Variants in CHRDL1 observed in about 807,000 individuals in gnomAD.
CHRDL1 encodes chordin-like protein 1.
In CHRDL1, 19 loss-of-function variants were observed where a neutral mutation model predicts 40.9. The observed-to-expected ratio is 0.46, with a 90% CI of 0.32 to 0.68. The LOEUF is 0.68. CHRDL1 is among the 30% of genes least tolerant of loss of function. The pLI, the probability that CHRDL1 is intolerant of heterozygous loss-of-function variation, is 0.03. For missense variants in CHRDL1, 329 were observed against 352.1 expected, an observed-to-expected ratio of 0.93 and a Z score of 0.53; for synonymous variants, 136 against 123.4, an observed-to-expected ratio of 1.10 and a Z score of -0.68.
chrX:110,703,812 A>G (rs1436668197), intron 6 of CHRDL1, among the ~76,000 whole-genome samples: 3 of 112,102 alleles, frequency 2.7e-5, no homozygotes, highest in Non-Finnish European at 5.6e-5. Flanking sequence ...AAGGGCAGAG[A>G]GTACCTCAAC....
At chrX:110,771,128 G>C (rs1602404985) in intron 2 of CHRDL1, among the ~76,000 whole-genome samples, 1 of 100,687 alleles carries the variant, frequency 9.9e-6, no homozygotes, top group Admixed American at 1.1e-4. Flanking sequence ...CTGGGTAACA[G>C]AGCAAGACTC....
At chrX:110,758,642 A>T (rs942260507) in intron 4 of CHRDL1, among the ~76,000 whole-genome samples, 1 of 111,343 alleles carries the variant, frequency 9.0e-6, no homozygotes, top group Non-Finnish European at 1.9e-5. Context: ...TTTCTCTCTT[A>T]TAAGTTCTGG....
At chrX:110,690,488 T>C (rs911105448) in intron 8 of CHRDL1, among the ~76,000 whole-genome samples, 3 of 110,759 alleles carry the variant, frequency 2.7e-5, no homozygotes, top group Admixed American at 9.7e-5. Flanking sequence ...CTTCCAGGCA[T>C]GAAAATTTCC....
intron 4 of CHRDL1, among the ~76,000 whole-genome samples, chrX:110,748,794 TAG>T (rs1312776863): frequency 8.9e-6 from 1 of 112,066 alleles, no homozygotes; most frequent in Non-Finnish European, 1.9e-5. Flanking sequence ...GTCAAATTCA[TAG>T]AGACAGGAAG....
intron 2 of CHRDL1, among the ~76,000 whole-genome samples, chrX:110,773,494 C>G (rs1007461896): frequency 9.1e-6 from 1 of 110,343 alleles, no homozygotes; most frequent in Non-Finnish European, 1.9e-5. Context: ...TTTGGGAGGC[C>G]GAGGCGGGCG....
chrX:110,776,865 A>T (rs1368125978), intron 2 of CHRDL1, among the ~76,000 whole-genome samples: 1 of 110,344 alleles, frequency 9.1e-6, no homozygotes, highest in Non-Finnish European at 1.9e-5. Context: ...CAAAGTCCAA[A>T]ATTCACATTA....
chrX:110,792,955 C>CTA (rs1189663524), intron 1 of CHRDL1, among the ~76,000 whole-genome samples: 1 of 112,268 alleles, frequency 8.9e-6, no homozygotes, highest in Non-Finnish European at 1.9e-5. Context: ...ATTAAAACAA[C>CTA]TACAGTTCTT....
At position 110,795,807 on chromosome X, in the gene CHRDL1, G is replaced by A. The variant is rs1036753200; in HGVS notation, c.-98C>T. On this transcript the variant is annotated 5_prime_UTR_variant, in exon 1 of 12. The change creates a new upstream start codon in the 5' untranslated region. Coordinates refer to ENST00000372042, the MANE Select transcript of CHRDL1 (RefSeq NM_001143981.2). ...GCTCCGAGCTCCCCGGGGCGCTCTC[G>A]TCCGAGGTCTGGGGCTGGCAGGTTG... is the stretch of plus-strand genomic sequence containing the variant. The A allele has an allele frequency of 8.9e-6, 1 of 112,556 alleles. No homozygotes were observed. The highest frequency in any genetic ancestry group is 1.9e-5 in the Non-Finnish European group (1 of 53,181). The allele number at this position is 112,556 out of a possible 1,213,427, so 9.3% of individuals were successfully genotyped here. A position where few individuals can be genotyped will look rare whatever the true frequency, so the allele number is the denominator to read the frequency against.
chrX:110,715,460 G>A (rs1043780683), intron 6 of CHRDL1, among the ~76,000 whole-genome samples: 1 of 111,158 alleles, frequency 9.0e-6, no homozygotes, highest in Non-Finnish European at 1.9e-5. Flanking sequence ...AGCACTCTAC[G>A]CCATCTCAGT....
At chrX:110,764,184 G>A (rs2089618118) in intron 2 of CHRDL1, among the ~76,000 whole-genome samples, 1 of 112,112 alleles carries the variant, frequency 8.9e-6, no homozygotes, top group South Asian at 3.7e-4. Context: ...CTCCCACTCT[G>A]TGGGTTGTTT....
intron 4 of CHRDL1, among the ~76,000 whole-genome samples, chrX:110,725,518 A>G (rs765627852): frequency 1.1e-3 from 115 of 108,192 alleles, no homozygotes; most frequent in Non-Finnish European, 1.5e-3. Flanking sequence ...GTTCCACTTC[A>G]CTTCTTTTTG....
At chrX:110,719,967 G>A (rs779631483) in intron 5 of CHRDL1, 39 bp from the exon 6 acceptor site, 28 of 950,968 alleles carry the variant, frequency 2.9e-5, no homozygotes, top group Non-Finnish European at 3.0e-5. Context: ...GAAGCATCTA[G>A]GATAAGTGTA....
intron 1 of CHRDL1, among the ~76,000 whole-genome samples, chrX:110,794,027 T>A (rs774994850): frequency 8.9e-6 from 1 of 112,287 alleles, no homozygotes; most frequent in African/African-American, 3.2e-5. Context: ...GCTTTATAAA[T>A]ATTCACTTTT....
chrX:110,704,575 A>G lies in CHRDL1; in HGVS notation c.542-3854T>C, dbSNP rs149246396. Among the ~76,000 whole-genome samples the G allele has an allele frequency of 2.4e-3, 265 of 111,500 alleles. 1 individual carries two copies. The highest frequency in any genetic ancestry group is 0.014 in the Middle Eastern group (3 of 217). On this transcript the variant is annotated intron_variant, in intron 6 of 11. Coordinates refer to ENST00000372042, the MANE Select transcript of CHRDL1 (RefSeq NM_001143981.2). ...GACTCCTACAGATGAAAAGAAACTG[A>G]TAAGACCCTGAAGGAAGATTTGATG...
chrX:110,698,298 CCTGTGCATTA>C (rs1319235993), intron 7 of CHRDL1, among the ~76,000 whole-genome samples: 18 of 110,852 alleles, frequency 1.6e-4, no homozygotes, highest in Non-Finnish European at 1.9e-5. Flanking sequence ...GAGACAAATT[CCTGTGCATTA>C]AAATTAATGA....
At chrX:110,719,689 C>T in intron 6 of CHRDL1, 146 bp downstream of exon 6, 3 of 222,435 alleles carry the variant, frequency 1.3e-5, no homozygotes, top group Non-Finnish European at 2.4e-5. Context: ...ATTTATTTTT[C>T]CCTTTGTTAA....
chrX:110,787,967 C>A (rs147379834), intron 2 of CHRDL1, among the ~76,000 whole-genome samples: 4,653 of 112,525 alleles, frequency 0.041, 115 homozygotes, highest in Non-Finnish European at 0.067. Flanking sequence ...GCCAAATGGG[C>A]AAACTCTTCA....
intron 2 of CHRDL1, among the ~76,000 whole-genome samples, chrX:110,764,563 G>T (rs197049): frequency 0.11 from 12,492 of 111,256 alleles, 1,705 homozygotes; most frequent in African/African-American, 0.39. Flanking sequence ...AAAACATGTG[G>T]GTTTGAACAA....
In CHRDL1 at chrX:110,688,670, G is replaced by A. The variant is rs780619568; in HGVS notation, c.912C>T (p.Pro304=). The A allele has an allele frequency of 5.8e-6, 7 of 1,206,115 alleles. No homozygotes were observed. The East Asian group carries it at 2.1e-4, about 36-fold the overall frequency. The change falls in exon 9 of 12, where the codon CCC becomes CCT. Residue 304 remains proline, a synonymous_variant. Transcript: ENST00000372042. ...TKQECKKIHC[P]NRYPCKYPQK... ...GAGGATACTTGCAGGGGTATCGATT[G>A]GGGCAGTGGATTTTCTTACACTCTT...
Sources: gnomAD v4.1 joint callset for allele counts (sites outside exome capture counted in the v4.1 genomes callset) on GRCh38, gnomAD v4.1.1 for gene constraint, MANE v1.5 for transcripts, NCBI Gene and HGNC (gene_info 2026-07-23, HGNC 2026-07-21) for gene names.